CATSPERE: variants seen among roughly 807,000 people sequenced by gnomAD.
CATSPERE encodes the protein catsper channel auxiliary subunit epsilon, also known as cation channel sperm-associated auxiliary subunit epsilon.
Under a neutral mutation model 114.1 loss-of-function variants are expected in CATSPERE, and 93 were observed. The ratio of observed to expected loss-of-function variants is 0.81; its 90% CI spans 0.69 to 0.97. The LOEUF (loss-of-function observed/expected upper bound fraction) is 0.97. Ranked by LOEUF, CATSPERE falls within the 50% of genes least tolerant of loss-of-function variation. The pLI is 0.00. For synonymous variants in CATSPERE, 341 were observed against 384.1 expected (o/e 0.89, Z 1.31); for missense variants, 1,058 against 1,131.6 (o/e 0.93, Z 0.93).
chr1:244,476,473 A>G (rs745928182), intron 2 of CATSPERE, among the ~76,000 whole-genome samples: 1 of 152,088 alleles, frequency 6.6e-6, no homozygotes, highest in Non-Finnish European at 1.5e-5. Flanking sequence ...AGTTCTATCA[A>G]ATTTTGCTTA....
At chr1:244,537,032 C>A (rs1680494078) in intron 8 of CATSPERE, among the ~76,000 whole-genome samples, 1 of 152,104 alleles carries the variant, frequency 6.6e-6, no homozygotes, top group Non-Finnish European at 1.5e-5. Context: ...ATGTGAATGC[C>A]TTTTATTTCA....
At chr1:244,627,671 C>T (rs1388773192) in intron 20 of CATSPERE, among the ~76,000 whole-genome samples, 4 of 152,226 alleles carry the variant, frequency 2.6e-5, no homozygotes, top group Admixed American at 6.5e-5. Context: ...GTGTTAATCC[C>T]GTGTTGAGCA....
chr1:244,454,584 A>T (rs1474082896), exon 1 of CATSPERE: 2 of 148,284 alleles, frequency 1.3e-5, no homozygotes, highest in African/African-American at 5.0e-5. Context: ...GAGAAAGGGA[A>T]CCCGGAAATC....
intron 17 of CATSPERE, among the ~76,000 whole-genome samples, chr1:244,594,809 T>C (rs1272862078): frequency 1.3e-5 from 2 of 152,188 alleles, no homozygotes. Context: ...TCTGCCAGCA[T>C]GGTCTGGCCC....
At chr1:244,624,286 T>C (rs551996844) in intron 20 of CATSPERE, among the ~76,000 whole-genome samples, 1 of 152,082 alleles carries the variant, frequency 6.6e-6, no homozygotes, top group African/African-American at 2.4e-5. Flanking sequence ...TTTCTTAAAA[T>C]AAGACAACAG....
chr1:244,525,397 A>G (rs1477034959), intron 8 of CATSPERE, among the ~76,000 whole-genome samples: 1 of 151,922 alleles, frequency 6.6e-6, no homozygotes, highest in Admixed American at 6.6e-5. Context: ...CTAGATGATG[A>G]GTTAGTGGGT....
intron 10 of CATSPERE, among the ~76,000 whole-genome samples, chr1:244,569,244 A>C (rs978004711): frequency 6.6e-6 from 1 of 152,198 alleles, no homozygotes; most frequent in Non-Finnish European, 1.5e-5. Context: ...ACCCTGCTTC[A>C]GCTCGTCTTC....
chr1:244,461,361 G>A lies in CATSPERE; in HGVS notation c.-69G>A, dbSNP rs898090384. 2.0e-5 allele frequency: 25 copies of A among 1,261,696 alleles called. No individual in the cohort carries two copies. The African/African-American group carries it at 3.7e-4, about 19-fold the overall frequency. 78.2% of individuals were successfully genotyped at this position (1,261,696 alleles called of 1,614,324 possible). On this transcript the variant is annotated 5_prime_UTR_variant, in exon 1 of 22. Coordinates refer to ENST00000366534, the MANE Select transcript of CATSPERE (RefSeq NM_001130957.2). ...GCCTGCAGCCGCCCGCCGGGCCGAC[G>A]TCCCACGGGAATGCGCGAGGCCTGG... is the stretch of plus-strand genomic sequence containing the variant.
chr1:244,549,903 T>C (rs1472290890), intron 8 of CATSPERE, among the ~76,000 whole-genome samples: 1 of 152,140 alleles, frequency 6.6e-6, no homozygotes, highest in African/African-American at 2.4e-5. Context: ...CCCTCCCCAG[T>C]GTGGTTGGGC....
At position 244,572,540 on chromosome 1, in the gene CATSPERE, A is replaced by G. The variant is rs375319559; in HGVS notation, c.1718A>G (p.Gln573Arg). ...IQDYPLHLEA[Q>R]SIAFTTKDKC... is the part of the protein sequence containing the mutation. ...GACTATCCCTTACATCTGGAAGCAC[A>G]AAGTATAGCTTTCACAACAAAAGAC... The change falls in exon 11 of 22, where the codon CAA becomes CGA. Residue 573 changes from glutamine to arginine, a missense_variant. Coordinates refer to ENST00000366534, the MANE Select transcript of CATSPERE (RefSeq NM_001130957.2). 5.0e-5 allele frequency: 81 copies of G among 1,614,048 alleles called. No individual in the cohort carries two copies. The highest frequency in any genetic ancestry group is 6.1e-5 in the Non-Finnish European group (72 of 1,179,888).
At chr1:244,500,194 GT>G (rs1479503572) in intron 7 of CATSPERE, among the ~76,000 whole-genome samples, 1 of 151,990 alleles carries the variant, frequency 6.6e-6, no homozygotes, top group African/African-American at 2.4e-5. Flanking sequence ...TGATGGAGTT[GT>G]TTTTTTAATT....
rs1363785354 is a variant in CATSPERE at position 244,560,958 on chromosome 1, C to G, written c.1320C>G (p.Ala440=). 4 of 1,613,876 alleles carry G rather than the reference C, an allele frequency of 2.5e-6. No homozygotes were observed. Among genetic ancestry groups the G allele is most frequent in the Non-Finnish European group, 3.4e-6 (4 of 1,179,968 alleles). ...TTTCCCAAGACTTTACATTAGATGC[C>G]CCTATTGACAGTGTTACCATGCCAC... is the stretch of plus-strand genomic sequence containing the variant. ...QWVSQDFTLD[A]PIDSVTMPHF... is the part of the protein sequence containing the mutation. The change falls in exon 10 of 22, where the codon GCC becomes GCG. Residue 440 remains alanine (A), a synonymous_variant. Coordinates refer to ENST00000366534, the MANE Select transcript of CATSPERE (RefSeq NM_001130957.2).
At chr1:244,623,058 T>TTTTTTTTATTTA (rs140542129) in intron 20 of CATSPERE, among the ~76,000 whole-genome samples, 6 of 145,508 alleles carry the variant, frequency 4.1e-5, no homozygotes, top group Non-Finnish European at 7.5e-5. Flanking sequence ...TTTGTCTTAT[T>TTTTTTTTATTTA]TTTATTTATT....
chr1:244,553,512 C>T (rs10927252), intron 9 of CATSPERE, among the ~76,000 whole-genome samples: 17,721 of 142,776 alleles, frequency 0.12, 1,878 homozygotes, highest in African/African-American at 0.29. Flanking sequence ...ACCCGGGAGG[C>T]GGAGCTTGCA....
intron 5 of CATSPERE, among the ~76,000 whole-genome samples, chr1:244,481,645 G>A (rs1184705548): frequency 6.6e-6 from 1 of 152,038 alleles, no homozygotes; most frequent in Non-Finnish European, 1.5e-5. Context: ...AAATTTTTAT[G>A]CTGAAACCTA....
chr1:244,605,096 A>G (rs1471257076), intron 17 of CATSPERE, among the ~76,000 whole-genome samples: 2 of 152,228 alleles, frequency 1.3e-5, no homozygotes, highest in Non-Finnish European at 2.9e-5. Context: ...TGATCCTTCC[A>G]GACTCAGCCA....
intron 5 of CATSPERE, among the ~76,000 whole-genome samples, chr1:244,483,539 T>C (rs966181206): frequency 2.6e-5 from 4 of 152,230 alleles, no homozygotes; most frequent in African/African-American, 9.6e-5. Flanking sequence ...TACGAAATTA[T>C]GTCATTGTAT....
At chr1:244,583,719 G>A (rs1666588166) in intron 12 of CATSPERE, 145 bp from the exon 13 acceptor site, 3 of 638,816 alleles carry the variant, frequency 4.7e-6, no homozygotes, top group Non-Finnish European at 8.2e-6. Flanking sequence ...GCTGTTACCA[G>A]CAGCACCATC....
chr1:244,572,673 T>A lies in CATSPERE; in HGVS notation c.1851T>A (p.Thr617=), dbSNP rs371357658. The change falls in exon 11 of 22, where the codon ACT becomes ACA. Residue 617 remains threonine, a synonymous_variant. Transcript: ENST00000366534. ...VWTQIVYPEN[T]GLYVIVESYG... ...CTCAGATCGTCTATCCAGAAAACACTGGTCTGTATGTTATTGTGGAATCTT... is the reference window on the plus strand; with the variant it reads ...CTCAGATCGTCTATCCAGAAAACACAGGTCTGTATGTTATTGTGGAATCTT... 1 of 1,613,898 alleles carries A rather than the reference T, an allele frequency of 6.2e-7. No homozygotes were observed. The highest frequency in any genetic ancestry group is 2.2e-5 in the East Asian group (1 of 44,880).
Sources: gnomAD v4.1 joint callset for allele counts (sites outside exome capture counted in the v4.1 genomes callset) on GRCh38, gnomAD v4.1.1 for gene constraint, MANE v1.5 for transcripts, NCBI Gene and HGNC (gene_info 2026-07-23, HGNC 2026-07-21) for gene names.